KLHL6: variants seen among roughly 807,000 people sequenced by gnomAD.
KLHL6 encodes kelch-like protein 6.
A neutral mutation model predicts 58.6 loss-of-function variants in KLHL6; 41 were observed. The ratio of observed to expected loss-of-function variants is 0.70; its 90% confidence interval spans 0.55 to 0.91. The LOEUF (loss-of-function observed/expected upper bound fraction) is 0.91. Among genes scored for constraint, KLHL6 ranks in the 40% least tolerant of loss-of-function variants. The probability of loss-of-function intolerance (pLI) is 0.00; values close to 1 mark genes in which losing one functional copy is unlikely to be tolerated. For missense variants in KLHL6, 714 were observed against 805.6 expected (o/e 0.89, Z 1.38); for synonymous variants, 338 against 322.7 (o/e 1.05, Z -0.51).
intron 1 of KLHL6, 103 bp from the exon 2 acceptor site, chr3:183,528,113 T>C: frequency 1.5e-6 from 2 of 1,333,168 alleles, no homozygotes; most frequent in Non-Finnish European, 2.1e-6. Flanking sequence ...ACAGGGGGTT[T>C]CCCAAGGTCA....
At chr3:183,537,495 C>T (rs1712403957) in intron 1 of KLHL6, among the ~76,000 whole-genome samples, 1 of 152,322 alleles carries the variant, frequency 6.6e-6, no homozygotes, top group Middle Eastern at 3.4e-3. Context: ...ACAGAGGTAG[C>T]TAGGAAGATC....
intron 2 of KLHL6, among the ~76,000 whole-genome samples, chr3:183,517,862 T>C (rs757677898): frequency 2.0e-5 from 3 of 152,098 alleles, no homozygotes; most frequent in East Asian, 1.9e-4. Context: ...TCGGACATGA[T>C]TGATGCTCAG....
In KLHL6 at chr3:183,499,831, G is replaced by A. The variant is rs1298111997; in HGVS notation, c.910-4C>T. The A allele has an allele frequency of 6.4e-7, 1 of 1,563,900 alleles. No individual in the cohort carries two copies. The highest frequency in any genetic ancestry group is 1.2e-5 in the South Asian group (1 of 84,084). ...GCTTGGTGCGTTCCGAAATGATCTG[G>A]AAATCGATGGGGGTACATGAAGGCA... On this transcript the variant is annotated splice_polypyrimidine_tract_variant and splice_region_variant and intron_variant, in intron 3 of 6. Coordinates refer to ENST00000341319, the MANE Select transcript of KLHL6 (RefSeq NM_130446.4). The surrounding 1 kb of genome is among the most constrained non-coding windows in gnomAD (Gnocchi z 4.6).
At chr3:183,503,791 A>G (rs1717932426) in intron 3 of KLHL6, among the ~76,000 whole-genome samples, 1 of 152,194 alleles carries the variant, frequency 6.6e-6, no homozygotes, top group South Asian at 2.1e-4. Context: ...AGAAAAAACA[A>G]AACAAAATAA....
intron 3 of KLHL6, among the ~76,000 whole-genome samples, chr3:183,503,345 C>A (rs1043603063): frequency 6.6e-6 from 1 of 152,228 alleles, no homozygotes; most frequent in African/African-American, 2.4e-5. Context: ...AATGAAGAGG[C>A]AAATTTCCTC....
At chr3:183,551,506 C>A (rs1210132661) in intron 1 of KLHL6, among the ~76,000 whole-genome samples, 1 of 152,118 alleles carries the variant, frequency 6.6e-6, no homozygotes. Context: ...AGAAAAGAAA[C>A]GTGATCATTG....
chr3:183,508,250 T>C lies in KLHL6; in HGVS notation c.718A>G (p.Met240Val). Residue 240 changes from methionine (M) to valine (V), a missense_variant, in exon 3 of 7, where the codon ATG becomes GTG. Physicochemically the swap from Met to Val is conservative, Grantham distance 21 (BLOSUM62 1). Coordinates refer to ENST00000341319, the MANE Select transcript of KLHL6 (RefSeq NM_130446.4). ...TEEAQVFETV[M>V]SWVRHKPSER... ...GATGGCTTGTGCCGGACCCAGCTCA[T>C]CACGGTCTCAAACACCTGAGCCTCC... 6.2e-7 allele frequency: 1 copy of C among 1,613,646 alleles called. No individual in the cohort carries two copies. The highest frequency in any genetic ancestry group is 1.1e-5 in the South Asian group (1 of 91,028).
intron 1 of KLHL6, among the ~76,000 whole-genome samples, chr3:183,540,641 C>A (rs1168107917): frequency 6.6e-6 from 1 of 152,116 alleles, no homozygotes; most frequent in Non-Finnish European, 1.5e-5. Context: ...TGGCCTCAAG[C>A]AATCCTCCCA....
intron 2 of KLHL6, among the ~76,000 whole-genome samples, chr3:183,523,676 G>GT (rs1051052737): frequency 2.1e-5 from 3 of 143,702 alleles, no homozygotes; most frequent in African/African-American, 7.8e-5. Flanking sequence ...TCATGAGTTG[G>GT]TTTTTTTTCC....
At chr3:183,517,384 G>A (rs1711602032) in intron 2 of KLHL6, among the ~76,000 whole-genome samples, 1 of 152,142 alleles carries the variant, frequency 6.6e-6, no homozygotes, top group African/African-American at 2.4e-5. Flanking sequence ...TCTCCCGGGC[G>A]ATGCTCCAGC....
chr3:183,516,738 C>T (rs1014822231), intron 2 of KLHL6, among the ~76,000 whole-genome samples: 7 of 152,214 alleles, frequency 4.6e-5, no homozygotes, highest in African/African-American at 7.2e-5. Flanking sequence ...TATTTTAGTC[C>T]ACATCAGCAA....
At position 183,501,499 on chromosome 3, in the gene KLHL6, T is replaced by A. The variant is rs568433783; in HGVS notation, c.910-1672A>T. ...CACTTCCGGGAACCAGGCCTCAGCCTCCACTCCGAAGCTCCCCTCGTCTTA... is the reference window on the plus strand; with the variant it reads ...CACTTCCGGGAACCAGGCCTCAGCCACCACTCCGAAGCTCCCCTCGTCTTA... On this transcript the variant is annotated intron_variant, in intron 3 of 6. Coordinates refer to ENST00000341319, the MANE Select transcript of KLHL6 (RefSeq NM_130446.4). Among the ~76,000 whole-genome samples the A allele has an allele frequency of 3.9e-5, 6 of 152,308 alleles. No individual in the cohort carries two copies. In the South Asian group the frequency reaches 1.2e-3, roughly 32 times the overall value.
At chr3:183,502,854 G>T (rs1717905936) in intron 3 of KLHL6, among the ~76,000 whole-genome samples, 1 of 152,186 alleles carries the variant, frequency 6.6e-6, no homozygotes, top group African/African-American at 2.4e-5. Context: ...TTTTCAGTTT[G>T]GGGGTAATTT....
At chr3:183,521,967 T>G in intron 2 of KLHL6, among the ~76,000 whole-genome samples, 1 of 147,712 alleles carries the variant, frequency 6.8e-6, no homozygotes, top group African/African-American at 2.5e-5. Context: ...AGTGCTGGGA[T>G]TACAGGCGTG....
chr3:183,530,871 A>T (rs1211502026), intron 1 of KLHL6, among the ~76,000 whole-genome samples: 1 of 144,100 alleles, frequency 6.9e-6, no homozygotes, highest in Non-Finnish European at 1.5e-5. Flanking sequence ...TCACTCTGTC[A>T]CCTAGGCTGG....
chr3:183,519,636 C>T (rs762879277), intron 2 of KLHL6, among the ~76,000 whole-genome samples: 2 of 151,898 alleles, frequency 1.3e-5, no homozygotes, highest in African/African-American at 2.4e-5. Context: ...CCTGTAATTC[C>T]AGCACTTTGG....
At position 183,492,902 on chromosome 3, in the gene KLHL6, C is replaced by A; in HGVS notation, c.1351-195G>T. ...ATGCATTTCCCACCCTCCCTCCAGGCTCCACGCAAGCTAGAGCAAGCTGTG... is the reference window on the plus strand; with the variant it reads ...ATGCATTTCCCACCCTCCCTCCAGGATCCACGCAAGCTAGAGCAAGCTGTG... On this transcript the variant is annotated intron_variant, in intron 5 of 6. Coordinates refer to ENST00000341319, the MANE Select transcript of KLHL6 (RefSeq NM_130446.4). This position sits in a 1 kb window ranked among gnomAD's most constrained non-coding sequence, Gnocchi z 5.9. The A allele has an allele frequency of 3.5e-6, 2 of 573,210 alleles. No individual in the cohort carries two copies. Among genetic ancestry groups the A allele is most frequent in the Non-Finnish European group, 6.2e-6 (2 of 320,410 alleles). The allele number at this position is 573,210 out of a possible 1,614,324, so 35.5% of individuals were successfully genotyped here.
At chr3:183,515,133 T>C (rs986262733) in intron 2 of KLHL6, among the ~76,000 whole-genome samples, 1 of 152,188 alleles carries the variant, frequency 6.6e-6, no homozygotes. Flanking sequence ...TCCTTCCACC[T>C]AAGTACAAAA....
At chr3:183,509,615 G>T (rs976146702) in intron 2 of KLHL6, among the ~76,000 whole-genome samples, 3 of 152,140 alleles carry the variant, frequency 2.0e-5, no homozygotes, top group South Asian at 2.1e-4. Context: ...CATTCCAGGG[G>T]CCAGGAAGAT....
Sources: allele counts gnomAD v4.1 joint callset (sites outside exome capture counted in the v4.1 genomes callset), GRCh38; gene constraint gnomAD v4.1.1; non-coding constraint Gnocchi (gnomAD v3.1); transcripts MANE v1.5; gene names NCBI Gene and HGNC (gene_info 2026-07-23, HGNC 2026-07-21).